Variants in PLXNA2 observed in about 807,000 individuals in gnomAD.
PLXNA2 encodes plexin-A2.
A neutral mutation model predicts 193.5 loss-of-function variants in PLXNA2; 91 were observed. That is an observed-to-expected ratio of 0.47 (90% CI 0.40 to 0.56). The LOEUF is 0.56. Ranked by LOEUF, PLXNA2 falls within the 20% of genes least tolerant of loss-of-function variation. PLXNA2 has a pLI of 0.00. For synonymous variants in PLXNA2, 997 were observed against 1,027.3 expected (o/e 0.97, Z 0.56); for missense variants, 1,995 against 2,503.2 (o/e 0.80, Z 4.33).
At chr1:208,066,793 A>C (rs1456936168) in intron 12 of PLXNA2, among the ~76,000 whole-genome samples, 1 of 152,204 alleles carries the variant, frequency 6.6e-6, no homozygotes. Flanking sequence ...CAGTGGGACA[A>C]GATAAGGAGG....
chr1:208,138,272 A>G (rs1243138860), intron 4 of PLXNA2, among the ~76,000 whole-genome samples: 2 of 152,216 alleles, frequency 1.3e-5, no homozygotes, highest in Admixed American at 6.5e-5. Flanking sequence ...AATTCATTAC[A>G]TGAGATATTC....
intron 3 of PLXNA2, among the ~76,000 whole-genome samples, chr1:208,170,662 C>T (rs1355464601): frequency 6.6e-6 from 1 of 152,192 alleles, no homozygotes; most frequent in East Asian, 1.9e-4. Context: ...TTCATGACCC[C>T]AGTGTTATTC....
chr1:208,098,121 C>A lies in PLXNA2; in HGVS notation c.1731+725G>T, dbSNP rs144824570. 4.5e-3 allele frequency among the ~76,000 whole-genome samples: 680 copies of A among 152,262 alleles called. 24 individuals carry two copies. The highest frequency in any genetic ancestry group is 0.038 in the Admixed American group (576 of 15,296). On this transcript the variant is annotated intron_variant, in intron 6 of 31. Coordinates refer to ENST00000367033, the MANE Select transcript of PLXNA2 (RefSeq NM_025179.4). ...ACATTTGTTTGCTGCTGAATCTCTGCCCCAGTTTCGTTTCCATGGGGCCAA... is the reference window on the plus strand; with the variant it reads ...ACATTTGTTTGCTGCTGAATCTCTGACCCAGTTTCGTTTCCATGGGGCCAA...
intron 3 of PLXNA2, among the ~76,000 whole-genome samples, chr1:208,204,475 C>T (rs938841557): frequency 6.6e-6 from 1 of 152,192 alleles, no homozygotes; most frequent in Non-Finnish European, 1.5e-5. Context: ...TGTTACCCAC[C>T]AGAAGTTGTC....
Position 208,054,489 on chromosome 1 carries a change from C to G in PLXNA2, c.2788G>C (p.Val930Leu). The G allele has an allele frequency of 6.2e-7, 1 of 1,614,264 alleles. No individual in the cohort carries two copies. The highest frequency in any genetic ancestry group is 8.5e-7 in the Non-Finnish European group (1 of 1,180,040). ...HALVGTTSGP[V>L]RLCIGECKPE... ...TTACACTCGCCAATACACAGGCGTA[C>G]TGGCCCGGAGGTGGTTCCCACGAGG... is the stretch of plus-strand genomic sequence containing the variant. The change falls in exon 14 of 32, where the codon GTA (valine) becomes CTA (leucine). Residue 930 changes from valine to leucine, a missense_variant. By Grantham distance (32) the Val-to-Leu change is conservative (BLOSUM62 1). Coordinates refer to ENST00000367033, the MANE Select transcript of PLXNA2 (RefSeq NM_025179.4).
chr1:208,241,505 G>C (rs988397641), intron 1 of PLXNA2, among the ~76,000 whole-genome samples: 3 of 152,192 alleles, frequency 2.0e-5, no homozygotes, highest in Non-Finnish European at 4.4e-5. Context: ...GGCTTTGAGG[G>C]ACCCCTGTCC....
chr1:208,056,776 G>A (rs2767565), intron 13 of PLXNA2, among the ~76,000 whole-genome samples: 21,174 of 152,142 alleles, frequency 0.14, 1,884 homozygotes, highest in East Asian at 0.3. Context: ...CTCTTTCCTC[G>A]GGCATCAGCC....
chr1:208,039,532 C>T, intron 24 of PLXNA2, 89 bp downstream of exon 24: 2 of 1,548,302 alleles, frequency 1.3e-6, no homozygotes, highest in South Asian at 1.2e-5. Flanking sequence ...TCTTTATTGA[C>T]CCCCTAGACT....
Position 208,236,534 on chromosome 1 carries a change from G to A in PLXNA2, c.-81+7109C>T, listed in dbSNP as rs548786250. ...AAAGGGTGGAGCACACTGCCTGGCCGGCTGCTCCCTCTAACCCCTGCTCAA... is the reference window on the plus strand; with the variant it reads ...AAAGGGTGGAGCACACTGCCTGGCCAGCTGCTCCCTCTAACCCCTGCTCAA... On this transcript the variant is annotated intron_variant, in intron 1 of 31. Coordinates refer to ENST00000367033, the MANE Select transcript of PLXNA2 (RefSeq NM_025179.4). This position sits in a 1 kb window ranked among gnomAD's most constrained non-coding sequence, Gnocchi z 4.4. Among the ~76,000 whole-genome samples, 2 of 152,158 alleles carry A rather than the reference G, an allele frequency of 1.3e-5. No individual in the cohort carries two copies. Among genetic ancestry groups the A allele is most frequent in the East Asian group, 1.9e-4 (1 of 5,186 alleles).
intron 3 of PLXNA2, among the ~76,000 whole-genome samples, chr1:208,209,191 T>A (rs1163143619): frequency 2.0e-5 from 3 of 151,998 alleles, no homozygotes; most frequent in Admixed American, 6.6e-5. Flanking sequence ...GCCTGGAGGG[T>A]TTAGCACTGC....
intron 15 of PLXNA2, 54 bp from the exon 16 acceptor site, chr1:208,051,477 G>T: frequency 6.6e-7 from 1 of 1,504,692 alleles, no homozygotes; most frequent in Non-Finnish European, 9.1e-7. Context: ...AACAAGAGGT[G>T]CCCACTGGCT....
chr1:208,122,488 T>C (rs1031030034), intron 4 of PLXNA2, among the ~76,000 whole-genome samples: 13 of 152,208 alleles, frequency 8.5e-5, no homozygotes, highest in African/African-American at 2.9e-4. Context: ...GTTGTGAAGA[T>C]TAAATTAAGT....
In PLXNA2 at chr1:208,031,514, C is replaced by CA. The variant is rs1664502484; in HGVS notation, c.5225+75dup. ...AGAATAGGCTATCCTCCCACCCTCC[C>CA]ATCTCCTGGTCCTCATCCCTCTTAG... On this transcript the variant is annotated intron_variant, in intron 29 of 31. Transcript: ENST00000367033. The CA allele has an allele frequency of 3.9e-6, 6 of 1,550,306 alleles. No homozygotes were observed. The East Asian group carries it at 1.1e-4, about 29-fold the overall frequency.
At chr1:208,179,319 G>A (rs1669764458) in intron 3 of PLXNA2, among the ~76,000 whole-genome samples, 1 of 152,334 alleles carries the variant, frequency 6.6e-6, no homozygotes, top group Non-Finnish European at 1.5e-5. Context: ...CTCGGTCAAG[G>A]GGTAAGGTTG....
chr1:208,174,952 C>T (rs1669616587), intron 3 of PLXNA2, among the ~76,000 whole-genome samples: 1 of 152,180 alleles, frequency 6.6e-6, no homozygotes. Flanking sequence ...GATCTGATAC[C>T]TCCCTGGTGC....
intron 5 of PLXNA2, among the ~76,000 whole-genome samples, chr1:208,102,089 C>G (rs1667114748): frequency 6.6e-6 from 1 of 152,232 alleles, no homozygotes; most frequent in Non-Finnish European, 1.5e-5. Flanking sequence ...ACTTTCTGAG[C>G]AGTCTTTTAC....
intron 4 of PLXNA2, among the ~76,000 whole-genome samples, chr1:208,125,513 C>T (rs1225674638): frequency 6.6e-6 from 1 of 152,134 alleles, no homozygotes; most frequent in Non-Finnish European, 1.5e-5. Flanking sequence ...CTGAGAAAAG[C>T]AAGGTGATGA....
intron 2 of PLXNA2, among the ~76,000 whole-genome samples, chr1:208,211,652 C>T (rs1375776580): frequency 6.6e-6 from 1 of 150,474 alleles, no homozygotes; most frequent in Non-Finnish European, 1.5e-5. Flanking sequence ...GAGATTGCGC[C>T]ACTGCACTCC....
At chr1:208,040,844 G>T (rs551730897) in intron 22 of PLXNA2, among the ~76,000 whole-genome samples, 26 of 152,184 alleles carry the variant, frequency 1.7e-4, no homozygotes, top group Non-Finnish European at 3.5e-4. Context: ...GCAAGGGCTG[G>T]CCCCCCTCCC....
Sources: gnomAD v4.1 joint callset for allele counts (sites outside exome capture counted in the v4.1 genomes callset) on GRCh38, gnomAD v4.1.1 for gene constraint, Gnocchi (gnomAD v3.1) non-coding constraint, MANE v1.5 for transcripts, NCBI Gene and HGNC (gene_info 2026-07-23, HGNC 2026-07-21) for gene names.